Variants in NEDD4 observed in about 807,000 individuals in gnomAD.
The protein encoded by NEDD4 is NEDD4 E3 ubiquitin protein ligase, also known as E3 ubiquitin-protein ligase NEDD4.
Under a neutral mutation model 144.9 loss-of-function variants are expected in NEDD4, and 99 were observed. That is an observed-to-expected ratio of 0.68 (90% CI 0.58 to 0.81). The LOEUF is 0.81. NEDD4 is among the 30% of genes least tolerant of loss of function. The pLI, the probability that NEDD4 is intolerant of heterozygous loss-of-function variation, is 0.00. For synonymous variants in NEDD4, 318 were observed against 350.6 expected, an observed-to-expected ratio of 0.91 and a Z score of 1.04; for missense variants, 985 against 1,065.9, an observed-to-expected ratio of 0.92 and a Z score of 1.06.
chr15:55,929,101 T>C (rs1284206166), intron 4 of NEDD4, among the ~76,000 whole-genome samples: 1 of 151,952 alleles, frequency 6.6e-6, no homozygotes, highest in Non-Finnish European at 1.5e-5. Flanking sequence ...GGGATGGAAG[T>C]GATGATGGAG....
At chr15:55,948,695 A>C (rs1216247951) in intron 4 of NEDD4, among the ~76,000 whole-genome samples, 5 of 152,260 alleles carry the variant, frequency 3.3e-5, no homozygotes, top group Admixed American at 6.5e-5. Context: ...CAAAAACAAG[A>C]AATGGGGAAA....
intron 5 of NEDD4, among the ~76,000 whole-genome samples, chr15:55,874,212 TAAC>T (rs1350659141): frequency 6.6e-6 from 1 of 152,076 alleles, no homozygotes; most frequent in African/African-American, 2.4e-5. Context: ...CTTCTGCAGA[TAAC>T]AATTATATTC....
intron 18 of NEDD4, among the ~76,000 whole-genome samples, chr15:55,846,636 G>A (rs2033758213): frequency 6.6e-6 from 1 of 152,202 alleles, no homozygotes; most frequent in Admixed American, 6.5e-5. Context: ...GACTAGGCCA[G>A]AAGATAATTT....
chr15:55,873,473 C>T lies in NEDD4; in HGVS notation c.342+485G>A, dbSNP rs1248700065. On this transcript the variant is annotated intron_variant, in intron 6 of 28. Transcript: ENST00000435532. ...CGCCACTCTTATCTTCCAAGTTCAA[C>T]TTGTATTATCTTTACTTCTTGCTTA... 4.6e-5 allele frequency among the ~76,000 whole-genome samples: 7 copies of T among 151,790 alleles called. No homozygotes were observed. In the East Asian group the frequency reaches 1.3e-3, roughly 29 times the overall value.
At chr15:55,975,269 A>T (rs1346438721) in intron 1 of NEDD4, among the ~76,000 whole-genome samples, 4 of 152,150 alleles carry the variant, frequency 2.6e-5, no homozygotes, top group African/African-American at 9.7e-5. Flanking sequence ...AAGAAAGGGA[A>T]GCTAAATTAG....
chr15:55,971,873 AAAAAC>A (rs1220560591), intron 1 of NEDD4, among the ~76,000 whole-genome samples: 11 of 152,196 alleles, frequency 7.2e-5, no homozygotes, highest in Non-Finnish European at 1.5e-4. Context: ...AGAGAAAATT[AAAAAC>A]AAAACAAAAC....
intron 1 of NEDD4, among the ~76,000 whole-genome samples, chr15:55,982,181 A>C (rs1440079057): frequency 6.6e-6 from 1 of 152,220 alleles, no homozygotes; most frequent in East Asian, 1.9e-4. Context: ...TGGGAGATTA[A>C]AATGGTACAA....
In NEDD4 at chr15:55,829,657, G is replaced by GTAT; in HGVS notation, c.*239_*240insATA. The GTAT allele has an allele frequency of 2.6e-6, 1 of 387,674 alleles. No individual in the cohort carries two copies. The highest frequency in any genetic ancestry group is 4.7e-6 in the Non-Finnish European group (1 of 214,122). 24.0% of individuals were successfully genotyped at this position (387,674 alleles called of 1,614,324 possible). A position where few individuals can be genotyped will look rare whatever the true frequency, so the allele number is the denominator to read the frequency against. On this transcript the variant is annotated 3_prime_UTR_variant, in exon 29 of 29. Transcript: ENST00000435532. ...CTAAAGCCAGGTGTGGTGGTGCCTGGCTTTAGGCAGGCACCTAACTCTAAA... is the reference window on the plus strand; with the variant it reads ...CTAAAGCCAGGTGTGGTGGTGCCTGGTATCTTTAGGCAGGCACCTAACTCTAAA...
intron 1 of NEDD4, among the ~76,000 whole-genome samples, chr15:55,983,073 G>A (rs770496843): frequency 9.2e-5 from 14 of 152,062 alleles, no homozygotes; most frequent in Non-Finnish European, 2.1e-4. Flanking sequence ...AGTGAACCGA[G>A]ATTGCGCCAT....
At chr15:55,922,043 A>G (rs187862966) in intron 5 of NEDD4, among the ~76,000 whole-genome samples, 2 of 152,350 alleles carry the variant, frequency 1.3e-5, no homozygotes, top group African/African-American at 4.8e-5. Context: ...AACAGGAAAA[A>G]TAACAGTAAT....
At chr15:55,854,776 TA>T (rs1183514138) in intron 12 of NEDD4, among the ~76,000 whole-genome samples, 4 of 151,694 alleles carry the variant, frequency 2.6e-5, no homozygotes, top group South Asian at 4.2e-4. Context: ...AGAAAGCTCT[TA>T]AAAAAAACCC....
At chr15:55,937,326 G>A (rs2036913968) in intron 4 of NEDD4, among the ~76,000 whole-genome samples, 1 of 152,042 alleles carries the variant, frequency 6.6e-6, no homozygotes, top group Non-Finnish European at 1.5e-5. Context: ...AACATTCTGG[G>A]CTATATAAAA....
In NEDD4 at chr15:55,830,382, A is replaced by G. The variant is rs147345090; in HGVS notation, c.2600+132T>C. 1,134 of 814,008 alleles carry G rather than the reference A, an allele frequency of 1.4e-3. 10 individuals are homozygous for G. In the African/African-American group the frequency reaches 0.018, roughly 13 times the overall value. 50.4% of individuals were successfully genotyped at this position (814,008 alleles called of 1,614,324 possible). A position where few individuals can be genotyped will look rare whatever the true frequency, so the allele number is the denominator to read the frequency against. ...AAACACCTGTTCGTTGGGTGTCACC[A>G]ACTCCTTCTTACCCATAATCCATAC... is the stretch of plus-strand genomic sequence containing the variant. On this transcript the variant is annotated intron_variant, in intron 28 of 28. Coordinates refer to ENST00000435532, the MANE Select transcript of NEDD4 (RefSeq NM_006154.4).
chr15:55,982,371 A>G (rs546046687), intron 1 of NEDD4, among the ~76,000 whole-genome samples: 1 of 152,334 alleles, frequency 6.6e-6, no homozygotes, highest in African/African-American at 2.4e-5. Context: ...GAAACAATCA[A>G]TGTGTCCATC....
chr15:55,980,409 A>G (rs193287466), intron 1 of NEDD4, among the ~76,000 whole-genome samples: 1 of 151,418 alleles, frequency 6.6e-6, no homozygotes, highest in Non-Finnish European at 1.5e-5. Context: ...CAGAAGATTG[A>G]GCGAACTGGG....
At chr15:55,953,448 G>GTT (rs1315261141) in intron 2 of NEDD4, among the ~76,000 whole-genome samples, 5 of 141,188 alleles carry the variant, frequency 3.5e-5, no homozygotes, top group Admixed American at 1.4e-4. Context: ...CTTCTTTTTT[G>GTT]TTTTTTTTTT....
At chr15:55,939,515 A>G (rs1236951828) in intron 4 of NEDD4, among the ~76,000 whole-genome samples, 9 of 151,986 alleles carry the variant, frequency 5.9e-5, no homozygotes, top group Admixed American at 5.9e-4. Flanking sequence ...CAAGCAACAA[A>G]GAACCTAATT....
intron 5 of NEDD4, among the ~76,000 whole-genome samples, chr15:55,887,958 CA>C (rs1166915103): frequency 2.3e-4 from 35 of 152,050 alleles, no homozygotes; most frequent in Admixed American, 1.8e-3. Flanking sequence ...TAAAACACTA[CA>C]AAAAATGGTA....
chr15:55,986,680 C>T (rs1369085046), intron 1 of NEDD4, among the ~76,000 whole-genome samples: 9 of 150,342 alleles, frequency 6.0e-5, no homozygotes, highest in Non-Finnish European at 1.0e-4. Context: ...AGCTCTGCCT[C>T]CCAGGTTCAC....
Sources: allele counts gnomAD v4.1 joint callset (sites outside exome capture counted in the v4.1 genomes callset), GRCh38; gene constraint gnomAD v4.1.1; transcripts MANE v1.5; gene names NCBI Gene and HGNC (gene_info 2026-07-23, HGNC 2026-07-21).